Variants in KRT76 observed in about 807,000 individuals in gnomAD.
The protein encoded by KRT76 is keratin 76.
Under a neutral mutation model 44.9 loss-of-function variants are expected in KRT76, and 47 were observed. The observed-to-expected ratio is 1.05, with a 90% CI of 0.83 to 1.33. The LOEUF is 1.33. Among genes scored for constraint, KRT76 ranks in the 40% most tolerant of loss-of-function variants. The pLI is 0.00. For missense variants in KRT76, 860 were observed against 775.8 expected, an observed-to-expected ratio of 1.11 and a Z score of -1.29; for synonymous variants, 331 against 294.1, an observed-to-expected ratio of 1.13 and a Z score of -1.28.
chr12:52,772,722 A>G (rs1939205295), intron 4 of KRT76, 61 bp downstream of exon 4: 2 of 1,241,664 alleles, frequency 1.6e-6, no homozygotes, highest in African/African-American at 1.5e-5. Flanking sequence ...GCTGTCCCCT[A>G]AAGTTATGCT....
intron 1 of KRT76, 21 bp downstream of exon 1, chr12:52,776,671 A>T (rs767938443): frequency 1.2e-6 from 2 of 1,613,462 alleles, no homozygotes; most frequent in South Asian, 2.2e-5. Flanking sequence ...CCTCCACAGC[A>T]CCTCTTGGCC....
chr12:52,769,474 A>C (rs904005139), intron 8 of KRT76, 75 bp downstream of exon 8: 1 of 1,293,900 alleles, frequency 7.7e-7, no homozygotes, highest in Non-Finnish European at 1.1e-6. Context: ...TTCTTGCCTG[A>C]AGGTCAGTCA....
chr12:52,776,712 A>G lies in KRT76; in HGVS notation c.580T>C (p.Phe194Leu). Residue 194 changes from phenylalanine to leucine, a missense_variant, in exon 1 of 9, where the codon TTT becomes CTT. Phe to Leu is a conservative substitution (Grantham distance 22). Coordinates refer to ENST00000332411, the MANE Select transcript of KRT76 (RefSeq NM_015848.4). ...REQIKTLNNKFASFIDKVRFL... is the reference protein window; with the variant it reads ...REQIKTLNNKLASFIDKVRFL... ...CTCACCTTGTCGATGAAGGAGGCAA[A>G]CTTGTTGTTGAGGGTCTTGATCTGT... 2 of 1,614,088 alleles carry G rather than the reference A, an allele frequency of 1.2e-6. No individual in the cohort carries two copies. The highest frequency in any genetic ancestry group is 2.2e-5 in the South Asian group (2 of 91,080).
chr12:52,771,925 C>T lies in KRT76; in HGVS notation c.1209G>A (p.Glu403=), dbSNP rs1331765561. The stretch of plus-strand genomic sequence containing the variant: ...GTAGCCTCTGGATCATCCTGTTGAG[C>T]TCCATGATCTCACTCTTGGTGTTCC... ...DLRNTKSEIM[E]LNRMIQRLRA... Residue 403 remains glutamate, a synonymous_variant, in exon 6 of 9, where the codon GAG becomes GAA. Transcript: ENST00000332411. The T allele has an allele frequency of 6.2e-7, 1 of 1,614,196 alleles. No homozygotes were observed. The highest frequency in any genetic ancestry group is 1.7e-5 in the Admixed American group (1 of 60,034).
chr12:52,772,656 G>C (rs1017418692), intron 4 of KRT76, 127 bp downstream of exon 4: 2 of 722,250 alleles, frequency 2.8e-6, no homozygotes, highest in African/African-American at 1.7e-5. Flanking sequence ...TTTCCCAGGT[G>C]GGGTGGAGCT....
In KRT76 at chr12:52,775,352, C is replaced by T. The variant is rs755380333; in HGVS notation, c.815+36G>A. On this transcript the variant is annotated intron_variant, in intron 2 of 8. Transcript: ENST00000332411. ...TTAGGACCACACCTCCCTGCTAATTCCCCAGAAGGGGAAACTTCCCAGGAG... is the reference window on the plus strand; with the variant it reads ...TTAGGACCACACCTCCCTGCTAATTTCCCAGAAGGGGAAACTTCCCAGGAG... The T allele has an allele frequency of 3.1e-6, 5 of 1,593,666 alleles. No individual in the cohort carries two copies. In the Admixed American group the frequency reaches 8.3e-5, roughly 27 times the overall value.
Position 52,776,996 on chromosome 12 carries a change from C to T in KRT76, c.296G>A (p.Gly99Glu). ...GFAGGYGGGF[G>E]GSYGGGFGGG... is the part of the protein sequence containing the mutation. ...ACCAAAGCCACCACCATAGCTGCCC[C>T]CAAAGCCACCTCCATAGCCACCTGC... Residue 99 changes from glycine to glutamate, a missense_variant, in exon 1 of 9, where the codon GGG becomes GAG. Coordinates refer to ENST00000332411, the MANE Select transcript of KRT76 (RefSeq NM_015848.4). 6.2e-7 allele frequency: 1 copy of T among 1,613,990 alleles called. No homozygotes were observed. The highest frequency in any genetic ancestry group is 1.1e-5 in the South Asian group (1 of 91,080).
In KRT76 at chr12:52,773,566, G is replaced by A. The variant is rs1428798211; in HGVS notation, c.876+16C>T. On this transcript the variant is annotated intron_variant, in intron 3 of 8. Coordinates refer to ENST00000332411, the MANE Select transcript of KRT76 (RefSeq NM_015848.4). ...CCAGAAAGGAAACCTGGATATGCTG[G>A]TCCAGGCTCACCTACCTTCTTGAGC... is the stretch of plus-strand genomic sequence containing the variant. The A allele has an allele frequency of 7.5e-6, 12 of 1,604,796 alleles. No homozygotes were observed. Among genetic ancestry groups the A allele is most frequent in the Admixed American group, 3.3e-5 (2 of 59,894 alleles).
At position 52,775,594 on chromosome 12, in the gene KRT76, G is replaced by A; in HGVS notation, c.609C>T (p.Phe203=). ...CCAGGACCTTGTTCTGCTGTTCCAGGAACCGCACCTGCATGAAAGAGGGGA... is the reference window on the plus strand; with the variant it reads ...CCAGGACCTTGTTCTGCTGTTCCAGAAACCGCACCTGCATGAAAGAGGGGA... ...KFASFIDKVR[F]LEQQNKVLET... The change falls in exon 2 of 9, where the codon TTC becomes TTT. Residue 203 remains phenylalanine (F), a synonymous_variant. Transcript: ENST00000332411. 6.2e-7 allele frequency: 1 copy of A among 1,613,286 alleles called. No individual in the cohort carries two copies. The highest frequency in any genetic ancestry group is 8.5e-7 in the Non-Finnish European group (1 of 1,179,872).
rs749549563 is a variant in KRT76 at position 52,771,081 on chromosome 12, A to G, written c.1402T>C (p.Tyr468His). The change falls in exon 7 of 9, where the codon TAC becomes CAC. Residue 468 changes from tyrosine to histidine, a missense_variant. Physicochemically the swap from Tyr to His is moderately conservative, Grantham distance 83. Coordinates refer to ENST00000332411, the MANE Select transcript of KRT76 (RefSeq NM_015848.4). ...KDDLARLLRD[Y>H]QELMNVKLAL... ...AGCTTGACGTTCATCAGCTCCTGGT[A>G]GTCACGCAGGAGCCGAGCCAGGTCA... 1 of 1,614,124 alleles carries G rather than the reference A, an allele frequency of 6.2e-7. No homozygotes were observed. The highest frequency in any genetic ancestry group is 1.7e-5 in the Admixed American group (1 of 60,004).
Position 52,776,884 on chromosome 12 carries a change from CCCACCAAATACACCAGGA to C in KRT76, c.390_407del (p.Val133_Gly138del), listed in dbSNP as rs1297035848. 7 of 1,611,872 alleles carry C rather than the reference CCCACCAAATACACCAGGA, an allele frequency of 4.3e-6. No individual in the cohort carries two copies. Among genetic ancestry groups the C allele is most frequent in the Non-Finnish European group, 5.1e-6 (6 of 1,178,954 alleles). On this transcript the variant is annotated inframe_deletion, in exon 1 of 9. Transcript: ENST00000332411. The stretch of plus-strand genomic sequence containing the variant: ...CACCAGGACCACCAAAGCTGCCAGG[CCCACCAAATACACCAGGA>C]CCACCAAAGCCACCAGCTCCACCAA...
intron 7 of KRT76, among the ~76,000 whole-genome samples, chr12:52,770,062 G>C (rs886920315): frequency 2.6e-5 from 4 of 152,318 alleles, no homozygotes; most frequent in African/African-American, 9.6e-5. Context: ...CTCAATGCAG[G>C]ATGGATTTGA....
rs767280418 is a variant in KRT76 at position 52,777,200 on chromosome 12, C to T, written c.92G>A (p.Ser31Asn). 1.9e-6 allele frequency: 3 copies of T among 1,614,244 alleles called. No individual in the cohort carries two copies. In the South Asian group the frequency reaches 3.3e-5, roughly 18 times the overall value. ...AGCTCCCCCAGAGCGGGCCACACAG[C>T]TCATCCTGCTGCTGCCGGAGACCAC... ...SAVVSGSSRM[S>N]CVARSGGAGG... is the part of the protein sequence containing the mutation. The change falls in exon 1 of 9, where the codon AGC becomes AAC. Residue 31 changes from serine (S) to asparagine (N), a missense_variant. By Grantham distance (46) the Ser-to-Asn change is conservative. Transcript: ENST00000332411.
intron 1 of KRT76, 26 bp from the exon 2 acceptor site, chr12:52,775,628 G>A: frequency 6.2e-7 from 1 of 1,600,508 alleles, no homozygotes; most frequent in Non-Finnish European, 8.5e-7. Context: ...GAGAAAAGGA[G>A]TCAGCCCCTT....
intron 7 of KRT76, 32 bp from the exon 8 acceptor site, chr12:52,769,615 T>C (rs760390135): frequency 1.2e-6 from 2 of 1,602,102 alleles, no homozygotes; most frequent in Non-Finnish European, 1.7e-6. Flanking sequence ...GAATTCTTTC[T>C]GTTATGAGTC....
Position 52,770,982 on chromosome 12 carries a change from A to AT in KRT76, c.1484+16dup. 1 of 1,613,950 alleles carries AT rather than the reference A, an allele frequency of 6.2e-7. No homozygotes were observed. The highest frequency in any genetic ancestry group is 8.5e-7 in the Non-Finnish European group (1 of 1,179,946). ...CTAAAACCATATCTGGAGAATGGTG[A>AT]TCCCATGGCCCCTCACCTGCACTCC... On this transcript the variant is annotated intron_variant, in intron 7 of 8. Coordinates refer to ENST00000332411, the MANE Select transcript of KRT76 (RefSeq NM_015848.4).
intron 2 of KRT76, among the ~76,000 whole-genome samples, chr12:52,775,000 C>A (rs554546002): frequency 6.6e-6 from 1 of 152,346 alleles, no homozygotes; most frequent in East Asian, 1.9e-4. Flanking sequence ...CACTCACACT[C>A]CTGGGGCCTG....
chr12:52,768,501 C>T lies in KRT76; in HGVS notation c.*212G>A, dbSNP rs574678953. 414 of 539,130 alleles carry T rather than the reference C, an allele frequency of 7.7e-4. 7 individuals are homozygous for T. In the South Asian group the frequency reaches 0.012, roughly 15 times the overall value. The allele number at this position is 539,130 out of a possible 1,614,324, so 33.4% of individuals were successfully genotyped here. On this transcript the variant is annotated 3_prime_UTR_variant, in exon 9 of 9. Transcript: ENST00000332411. The stretch of plus-strand genomic sequence containing the variant: ...TAAGGGGCCATTGCAGGAAGGTTTC[C>T]AGGGGCATCATCATCCCAGACCAGC...
intron 3 of KRT76, 65 bp downstream of exon 3, chr12:52,773,517 G>T: frequency 2.6e-6 from 3 of 1,171,326 alleles, no homozygotes; most frequent in Non-Finnish European, 2.5e-6. Context: ...AGCTGGCTGT[G>T]CACTCTCTCC....
Sources: allele counts gnomAD v4.1 joint callset (sites outside exome capture counted in the v4.1 genomes callset), GRCh38; gene constraint gnomAD v4.1.1; transcripts MANE v1.5; gene names NCBI Gene and HGNC (gene_info 2026-07-23, HGNC 2026-07-21).